WWOX: variants seen among roughly 807,000 people sequenced by gnomAD.
WWOX encodes WW domain containing oxidoreductase.
A neutral mutation model predicts 46.2 loss-of-function variants in WWOX; 69 were observed. That is an observed-to-expected ratio of 1.49 (90% CI 1.23 to 1.82). The LOEUF is 1.82. Ranked by LOEUF, WWOX falls within the 40% of genes most tolerant of loss-of-function variation. The pLI is 0.00. For synonymous variants in WWOX, 359 were observed against 202.6 expected (o/e 1.77, Z -6.56); for missense variants, 919 against 542.6 (o/e 1.69, Z -6.89).
At chr16:78,378,507 G>A (rs922319292) in intron 5 of WWOX, among the ~76,000 whole-genome samples, 1 of 152,120 alleles carries the variant, frequency 6.6e-6, no homozygotes, top group African/African-American at 2.4e-5. Context: ...TAATATTAGA[G>A]GAATTAGTGT....
At chr16:78,953,721 C>G (rs776700646) in intron 8 of WWOX, among the ~76,000 whole-genome samples, 1 of 152,166 alleles carries the variant, frequency 6.6e-6, no homozygotes, top group Non-Finnish European at 1.5e-5. Flanking sequence ...AATGGATAAA[C>G]TCTTTCCTGG....
At chr16:78,701,511 C>T (rs577757335) in intron 8 of WWOX, among the ~76,000 whole-genome samples, 43 of 152,238 alleles carry the variant, frequency 2.8e-4, no homozygotes, top group African/African-American at 1.0e-3. Context: ...ACCTCTATCT[C>T]TTCTATCTAC....
At position 78,192,188 on chromosome 16, in the gene WWOX, T is replaced by C. The variant is rs150406782; in HGVS notation, c.516+27899T>C. ...TACCCCCTTAATCTGAAATAAAAGT[T>C]GAAATTATTAAAAAAGAAAACGAAG... On this transcript the variant is annotated intron_variant, in intron 5 of 8. Transcript: ENST00000566780. Among the ~76,000 whole-genome samples the C allele has an allele frequency of 4.7e-3, 719 of 152,100 alleles. 4 individuals carry two copies. The highest frequency in any genetic ancestry group is 0.016 in the African/African-American group (668 of 41,504).
At chr16:79,015,662 C>A (rs1009164054) in intron 8 of WWOX, among the ~76,000 whole-genome samples, 1 of 152,202 alleles carries the variant, frequency 6.6e-6, no homozygotes, top group Non-Finnish European at 1.5e-5. Context: ...TCCCTAGTCC[C>A]TGTCTCCGTA....
intron 8 of WWOX, among the ~76,000 whole-genome samples, chr16:78,695,711 A>G (rs1369665366): frequency 6.6e-6 from 1 of 152,242 alleles, no homozygotes; most frequent in Non-Finnish European, 1.5e-5. Flanking sequence ...ATGAAGGATC[A>G]AGTTGTCAGC....
chr16:78,127,215 A>G (rs576519802), intron 4 of WWOX, among the ~76,000 whole-genome samples: 2 of 152,262 alleles, frequency 1.3e-5, no homozygotes, highest in Admixed American at 6.5e-5. Flanking sequence ...GTTGTTAAAG[A>G]TGGGAACTCC....
chr16:78,319,900 T>A (rs997093206), intron 5 of WWOX, among the ~76,000 whole-genome samples: 1 of 152,162 alleles, frequency 6.6e-6, no homozygotes, highest in African/African-American at 2.4e-5. Flanking sequence ...TTTTTCCAGT[T>A]TTCCTGGCGA....
intron 8 of WWOX, chr16:78,996,107 C>A: frequency 4.3e-6 from 3 of 694,558 alleles, no homozygotes; most frequent in Non-Finnish European, 5.3e-6. Flanking sequence ...GAACGTGGCC[C>A]CTTCCATGAA....
At chr16:78,753,816 AAAAAAAAAAATATATAT>A (rs1473649994) in intron 8 of WWOX, among the ~76,000 whole-genome samples, 3 of 87,542 alleles carry the variant, frequency 3.4e-5, no homozygotes, top group African/African-American at 1.3e-4. Flanking sequence ...AAAAAAAAAA[AAAAAAAAAAATATATAT>A]ATATATATAT....
intron 5 of WWOX, among the ~76,000 whole-genome samples, chr16:78,320,281 T>C (rs1166704546): frequency 6.6e-6 from 1 of 152,194 alleles, no homozygotes; most frequent in East Asian, 1.9e-4. Flanking sequence ...TAAGCAATTT[T>C]ACCTGCATTT....
At chr16:78,102,095 A>G (rs1191453795) in intron 1 of WWOX, among the ~76,000 whole-genome samples, 2 of 151,936 alleles carry the variant, frequency 1.3e-5, no homozygotes, top group Non-Finnish European at 2.9e-5. Context: ...TAATTATTAC[A>G]TGTTTTGTAG....
At chr16:78,757,480 G>A (rs2049683647) in intron 8 of WWOX, among the ~76,000 whole-genome samples, 1 of 152,068 alleles carries the variant, frequency 6.6e-6, no homozygotes, top group East Asian at 1.9e-4. Context: ...TACCATCTAG[G>A]ACCCTGGCTG....
At chr16:79,175,048 A>G (rs943760943) in intron 8 of WWOX, among the ~76,000 whole-genome samples, 1 of 152,030 alleles carries the variant, frequency 6.6e-6, no homozygotes, top group Non-Finnish European at 1.5e-5. Flanking sequence ...TCATTATCCC[A>G]CCAATCTCTG....
chr16:78,793,026 C>T (rs1257304529), intron 8 of WWOX, among the ~76,000 whole-genome samples: 3 of 152,142 alleles, frequency 2.0e-5, no homozygotes, highest in South Asian at 4.1e-4. Context: ...TTTCCTTGCC[C>T]CCGCTGCCCC....
At chr16:78,656,976 G>A (rs947923227) in intron 8 of WWOX, among the ~76,000 whole-genome samples, 6 of 152,100 alleles carry the variant, frequency 3.9e-5, no homozygotes, top group African/African-American at 1.4e-4. Context: ...GGAGTGTTAG[G>A]GTCTTCGGGC....
At chr16:78,679,538 G>C (rs1053047631) in intron 8 of WWOX, among the ~76,000 whole-genome samples, 1 of 152,068 alleles carries the variant, frequency 6.6e-6, no homozygotes, top group Admixed American at 6.6e-5. Flanking sequence ...GTGACAGAGT[G>C]AGACTCCATC....
At position 79,116,654 on chromosome 16, in the gene WWOX, G is replaced by A. The variant is rs185991412; in HGVS notation, c.1057-94954G>A. ...TTTCTACCACATATGAGTCTTGAAG[G>A]GGCTCAAGACTTACTTCCTCCACTA... On this transcript the variant is annotated intron_variant, in intron 8 of 8. Coordinates refer to ENST00000566780, the MANE Select transcript of WWOX (RefSeq NM_016373.4). Among the ~76,000 whole-genome samples, 82 of 152,152 alleles carry A rather than the reference G, an allele frequency of 5.4e-4. 2 individuals carry two copies. Among genetic ancestry groups the A allele is most frequent in the African/African-American group, 1.8e-3 (76 of 41,532 alleles).
At chr16:78,288,760 C>T (rs1250763681) in intron 5 of WWOX, among the ~76,000 whole-genome samples, 4 of 152,130 alleles carry the variant, frequency 2.6e-5, no homozygotes, top group Non-Finnish European at 4.4e-5. Flanking sequence ...CACAATGGGT[C>T]ATAATTTATA....
intron 8 of WWOX, chr16:78,552,666 C>A (rs1026069144): frequency 6.6e-6 from 1 of 152,242 alleles, no homozygotes; most frequent in African/African-American, 2.4e-5. Flanking sequence ...AAGAGGACTT[C>A]TGCATCTCTG....
Sources: allele counts gnomAD v4.1 joint callset (sites outside exome capture counted in the v4.1 genomes callset), GRCh38; gene constraint gnomAD v4.1.1; transcripts MANE v1.5; gene names NCBI Gene and HGNC (gene_info 2026-07-23, HGNC 2026-07-21).